TMTC2: variants seen among roughly 807,000 people sequenced by gnomAD.
The protein encoded by TMTC2 is transmembrane O-mannosyltransferase targeting cadherins 2.
In TMTC2, 43 loss-of-function variants were observed where a neutral mutation model predicts 82.4. The ratio of observed to expected loss-of-function variants is 0.52; its 90% CI spans 0.41 to 0.67. TMTC2 has a LOEUF of 0.67. Among genes scored for constraint, TMTC2 ranks in the 30% least tolerant of loss-of-function variants. TMTC2 has a pLI of 0.00. For synonymous variants in TMTC2, 408 were observed against 381.9 expected (o/e 1.07, Z -0.80); for missense variants, 919 against 1,012.4 (o/e 0.91, Z 1.25).
intron 1 of TMTC2, among the ~76,000 whole-genome samples, chr12:82,693,826 G>C (rs535106017): frequency 2.0e-3 from 303 of 152,132 alleles, no homozygotes; most frequent in Non-Finnish European, 3.6e-3. Context: ...AAATTAGCCA[G>C]GCATGGTGGC....
intron 11 of TMTC2, among the ~76,000 whole-genome samples, chr12:83,080,787 G>A (rs941595566): frequency 6.6e-6 from 1 of 152,184 alleles, no homozygotes; most frequent in Non-Finnish European, 1.5e-5. Context: ...AATCATTAGA[G>A]TGGAGAAGTG....
chr12:82,876,020 A>AGTG (rs1180362854), intron 2 of TMTC2, among the ~76,000 whole-genome samples: 61 of 75,646 alleles, frequency 8.1e-4, no homozygotes, highest in East Asian at 4.4e-3. Flanking sequence ...TAATGGTAGT[A>AGTG]GTGGTGGCGG....
chr12:82,764,974 C>CTGG (rs563682612), intron 1 of TMTC2, among the ~76,000 whole-genome samples: 5 of 145,022 alleles, frequency 3.4e-5, no homozygotes, highest in Non-Finnish European at 7.7e-5. Context: ...GTCTGGTGGG[C>CTGG]GGGGGGGTGA....
At chr12:83,027,335 A>T (rs1171461103) in intron 8 of TMTC2, among the ~76,000 whole-genome samples, 19 of 152,168 alleles carry the variant, frequency 1.2e-4, no homozygotes, top group Non-Finnish European at 2.9e-5. Context: ...ACAAACCAGC[A>T]ACCTTTATCC....
At chr12:83,003,475 A>G (rs752318988) in intron 8 of TMTC2, among the ~76,000 whole-genome samples, 1 of 152,100 alleles carries the variant, frequency 6.6e-6, no homozygotes, top group African/African-American at 2.4e-5. Context: ...TAGCTGTTTT[A>G]TGTAGACTTG....
At chr12:82,882,142 G>A (rs2137156828) in intron 2 of TMTC2, among the ~76,000 whole-genome samples, 1 of 148,794 alleles carries the variant, frequency 6.7e-6, no homozygotes, top group Non-Finnish European at 1.5e-5. Flanking sequence ...TGGGACTACA[G>A]GCGCCCGCCA....
chr12:83,089,495 C>T (rs1883769430), intron 11 of TMTC2, among the ~76,000 whole-genome samples: 1 of 152,132 alleles, frequency 6.6e-6, no homozygotes, highest in African/African-American at 2.4e-5. Flanking sequence ...AATTCACACA[C>T]ATTTTTATAT....
intron 8 of TMTC2, among the ~76,000 whole-genome samples, chr12:83,009,971 C>T (rs1880380734): frequency 6.6e-6 from 1 of 152,150 alleles, no homozygotes; most frequent in Non-Finnish European, 1.5e-5. Context: ...ACTGATCTGA[C>T]AGGAGATGGA....
chr12:82,847,688 C>T (rs866591267), intron 1 of TMTC2, among the ~76,000 whole-genome samples: 7 of 151,980 alleles, frequency 4.6e-5, no homozygotes, highest in East Asian at 1.9e-4. Flanking sequence ...AGCAAACTAT[C>T]GCAAGGACAG....
At chr12:82,812,298 T>C (rs895598890) in intron 1 of TMTC2, among the ~76,000 whole-genome samples, 1 of 152,126 alleles carries the variant, frequency 6.6e-6, no homozygotes. Context: ...CTTTCTGTAA[T>C]AGTGGTTGTA....
intron 8 of TMTC2, among the ~76,000 whole-genome samples, chr12:83,021,606 T>A (rs201025252): frequency 4.4e-4 from 67 of 150,712 alleles, no homozygotes; most frequent in Admixed American, 7.3e-4. Context: ...AAAAAAAATT[T>A]TTTTTTAATG....
chr12:82,907,569 C>T (rs866473077), intron 3 of TMTC2, among the ~76,000 whole-genome samples: 1 of 151,892 alleles, frequency 6.6e-6, no homozygotes, highest in Non-Finnish European at 1.5e-5. Flanking sequence ...AAAAAAAATC[C>T]AGACCACAAC....
intron 11 of TMTC2, among the ~76,000 whole-genome samples, chr12:83,124,899 G>A (rs959686056): frequency 5.9e-5 from 9 of 152,166 alleles, no homozygotes; most frequent in Non-Finnish European, 1.2e-4. Flanking sequence ...GGAGGCTGAT[G>A]GAGGTTAAGG....
chr12:82,997,944 C>A (rs960884953), intron 8 of TMTC2, among the ~76,000 whole-genome samples: 1 of 152,080 alleles, frequency 6.6e-6, no homozygotes, highest in Admixed American at 6.6e-5. Context: ...AAGTTGAATC[C>A]ATTTATCCCA....
At chr12:82,852,735 A>G (rs1392012863) in intron 1 of TMTC2, among the ~76,000 whole-genome samples, 1 of 152,022 alleles carries the variant, frequency 6.6e-6, no homozygotes, top group African/African-American at 2.4e-5. Flanking sequence ...GGTTTGAATG[A>G]CTCCCTTTTT....
intron 1 of TMTC2, among the ~76,000 whole-genome samples, chr12:82,801,811 C>T (rs12821321): frequency 2.3e-4 from 35 of 151,920 alleles, no homozygotes; most frequent in Admixed American, 2.2e-3. Flanking sequence ...TACGGAGTGT[C>T]GATTGGTGCA....
At chr12:82,785,400 A>T (rs1205408624) in intron 1 of TMTC2, among the ~76,000 whole-genome samples, 2 of 150,024 alleles carry the variant, frequency 1.3e-5, no homozygotes, top group Admixed American at 1.3e-4. Context: ...AAATAACAAA[A>T]TAAAAACAAA....
chr12:82,756,234 A>T lies in TMTC2; in HGVS notation c.83+68565A>T, dbSNP rs553489778. ...ACTAAAAAGCTTGTAAAATTATTTTAAAAAATCCTTGTCTCACAATTCTTC... is the reference window on the plus strand; with the variant it reads ...ACTAAAAAGCTTGTAAAATTATTTTTAAAAATCCTTGTCTCACAATTCTTC... On this transcript the variant is annotated intron_variant, in intron 1 of 11. Transcript: ENST00000321196. Among the ~76,000 whole-genome samples, 6 of 152,296 alleles carry T rather than the reference A, an allele frequency of 3.9e-5. No individual in the cohort carries two copies. The South Asian group carries it at 8.3e-4, about 21-fold the overall frequency.
chr12:82,911,656 A>AC (rs1014036693), intron 3 of TMTC2, among the ~76,000 whole-genome samples: 68 of 151,922 alleles, frequency 4.5e-4, no homozygotes, highest in African/African-American at 1.5e-3. Context: ...AGGCTGGAGT[A>AC]CAGTGGCACG....
Sources: allele counts gnomAD v4.1 joint callset (sites outside exome capture counted in the v4.1 genomes callset), GRCh38; gene constraint gnomAD v4.1.1; transcripts MANE v1.5; gene names NCBI Gene and HGNC (gene_info 2026-07-23, HGNC 2026-07-21).